Variants in CNMD observed in about 807,000 individuals in gnomAD.
CNMD encodes chondromodulin, also known as leukocyte cell-derived chemotaxin 1.
CNMD carries 30 observed loss-of-function variants against 37.5 expected under a neutral mutation model. The observed-to-expected ratio is 0.80, with a 90% CI of 0.60 to 1.09. The LOEUF (loss-of-function observed/expected upper bound fraction) is 1.09. CNMD is among the 50% of genes least tolerant of loss of function. The pLI is 0.00. For missense variants in CNMD, 398 were observed against 423.9 expected, an observed-to-expected ratio of 0.94 and a Z score of 0.54; for synonymous variants, 167 against 148.2, an observed-to-expected ratio of 1.13 and a Z score of -0.92.
intron 6 of CNMD, among the ~76,000 whole-genome samples, chr13:52,706,869 T>G (rs1328253580): frequency 6.6e-6 from 1 of 152,024 alleles, no homozygotes; most frequent in Non-Finnish European, 1.5e-5. Flanking sequence ...TTTGTACTGT[T>G]TTTAAAAAAT....
chr13:52,720,411 G>T (rs538877278), intron 4 of CNMD, among the ~76,000 whole-genome samples: 1 of 152,112 alleles, frequency 6.6e-6, no homozygotes, highest in Non-Finnish European at 1.5e-5. Context: ...AGGAGAAGAG[G>T]CGTTCTGGTT....
intron 5 of CNMD, 125 bp from the exon 6 acceptor site, chr13:52,708,827 T>A: frequency 1.4e-6 from 1 of 698,892 alleles, no homozygotes; most frequent in Non-Finnish European, 2.4e-6. Context: ...TGGCTTAAAA[T>A]TTTTGTACTG....
intron 6 of CNMD, among the ~76,000 whole-genome samples, chr13:52,705,806 A>G (rs1964164358): frequency 6.6e-6 from 1 of 152,038 alleles, no homozygotes; most frequent in African/African-American, 2.4e-5. Context: ...AGGCAAAGTC[A>G]TATCCTGCCT....
At chr13:52,706,094 A>C (rs1001520000) in intron 6 of CNMD, among the ~76,000 whole-genome samples, 13 of 152,256 alleles carry the variant, frequency 8.5e-5, no homozygotes, top group Non-Finnish European at 1.6e-4. Context: ...AATAGGCTAC[A>C]TAGAAAAACG....
chr13:52,729,474 T>C (rs1964627939), intron 3 of CNMD, among the ~76,000 whole-genome samples: 1 of 152,238 alleles, frequency 6.6e-6, no homozygotes, highest in Admixed American at 6.5e-5. Context: ...AAAACAGTAC[T>C]TTTCTTCACT....
intron 2 of CNMD, among the ~76,000 whole-genome samples, chr13:52,738,744 G>A (rs946940861): frequency 2.6e-5 from 4 of 152,152 alleles, no homozygotes; most frequent in South Asian, 4.1e-4. Context: ...CCACGGTCGC[G>A]CCACTGCTTA....
intron 3 of CNMD, among the ~76,000 whole-genome samples, chr13:52,726,499 C>G (rs1964576107): frequency 6.6e-6 from 1 of 150,940 alleles, no homozygotes; most frequent in Admixed American, 6.6e-5. Flanking sequence ...ACCACCGACG[C>G]TGTTTACAGC....
intron 3 of CNMD, among the ~76,000 whole-genome samples, chr13:52,732,017 T>C (rs905410359): frequency 1.3e-5 from 2 of 152,228 alleles, no homozygotes; most frequent in African/African-American, 4.8e-5. Context: ...ATTCTGAACA[T>C]AGTCCTTGTC....
At chr13:52,706,879 T>A (rs1382282951) in intron 6 of CNMD, among the ~76,000 whole-genome samples, 2 of 151,926 alleles carry the variant, frequency 1.3e-5, no homozygotes, top group Admixed American at 6.6e-5. Flanking sequence ...TTTTAAAAAA[T>A]TTCTGCATGT....
rs1964126597 is a variant in CNMD at position 52,703,723 on chromosome 13, A to G, written c.877T>C (p.Cys293Arg). The change falls in exon 7 of 7, where the codon TGC becomes CGC. Residue 293 changes from cysteine (C) to arginine (R), a missense_variant. Physicochemically the swap from Cys to Arg is radical, Grantham distance 180. Coordinates refer to ENST00000377962, the MANE Select transcript of CNMD (RefSeq NM_007015.3). ...CCCAGGGGTTCACAGATCTTCTGGCAGTGGGTGTAGCTCCGCCTACATTCT... is the reference window on the plus strand; with the variant it reads ...CCCAGGGGTTCACAGATCTTCTGGCGGTGGGTGTAGCTCCGCCTACATTCT... ...CIECRRSYTH[C>R]QKICEPLGGY... 3 of 1,614,050 alleles carry G rather than the reference A, an allele frequency of 1.9e-6. No homozygotes were observed. The highest frequency in any genetic ancestry group is 2.5e-6 in the Non-Finnish European group (3 of 1,180,008).
chr13:52,721,199 C>T (rs995642998), intron 4 of CNMD, among the ~76,000 whole-genome samples: 8 of 152,174 alleles, frequency 5.3e-5, no homozygotes, highest in Admixed American at 1.3e-4. Context: ...GTGCTGGCAG[C>T]GAGAATTTCA....
intron 5 of CNMD, among the ~76,000 whole-genome samples, chr13:52,712,147 C>T (rs9591460): frequency 0.027 from 4,066 of 151,458 alleles, 188 homozygotes; most frequent in African/African-American, 0.094. Context: ...GGCTCACCTG[C>T]CCTTCATTAC....
At chr13:52,729,404 T>C (rs1964627239) in intron 3 of CNMD, among the ~76,000 whole-genome samples, 1 of 152,356 alleles carries the variant, frequency 6.6e-6, no homozygotes, top group African/African-American at 2.4e-5. Flanking sequence ...AAAGTAATTT[T>C]TGGCATAGTC....
At chr13:52,735,194 C>T (rs1476916618) in intron 2 of CNMD, among the ~76,000 whole-genome samples, 1 of 152,118 alleles carries the variant, frequency 6.6e-6, no homozygotes, top group Non-Finnish European at 1.5e-5. Context: ...TTTGGGAAAC[C>T]TGTTTTCTTT....
rs1360731903 is a variant in CNMD, at chr13:52,739,723, G to A, written c.-22C>T. The A allele has an allele frequency of 2.5e-6, 4 of 1,609,714 alleles. No homozygotes were observed. The South Asian group carries it at 3.3e-5, about 13-fold the overall frequency. On this transcript the variant is annotated 5_prime_UTR_variant, in exon 1 of 7. Coordinates refer to ENST00000377962, the MANE Select transcript of CNMD (RefSeq NM_007015.3). The surrounding 1 kb of genome is among the most constrained non-coding windows in gnomAD (Gnocchi z 5.4). ...TCATGTTTGCGGCGGGAGGAGTGAG[G>A]CACTTGGAGACTCCCTGGGCACCCT...
chr13:52,729,467 A>G (rs915973134), intron 3 of CNMD, among the ~76,000 whole-genome samples: 2 of 152,220 alleles, frequency 1.3e-5, no homozygotes, highest in African/African-American at 2.4e-5. Flanking sequence ...TGGAGAGAAA[A>G]CAGTACTTTT....
At chr13:52,704,639 T>C (rs1235861329) in intron 6 of CNMD, among the ~76,000 whole-genome samples, 1 of 152,228 alleles carries the variant, frequency 6.6e-6, no homozygotes, top group Non-Finnish European at 1.5e-5. Context: ...GGTATTGAAG[T>C]GCATTCCCAA....
At chr13:52,705,878 G>A (rs2038826) in intron 6 of CNMD, among the ~76,000 whole-genome samples, 53,744 of 151,878 alleles carry the variant, frequency 0.35, 10,347 homozygotes, top group Admixed American at 0.46. Context: ...AGCTCTCTAG[G>A]GAATAAACAG....
intron 3 of CNMD, among the ~76,000 whole-genome samples, chr13:52,724,473 C>A (rs1964539949): frequency 6.6e-6 from 1 of 150,506 alleles, no homozygotes. Context: ...CGCCTGTAGT[C>A]CCAGCTACTT....
Sources: allele counts gnomAD v4.1 joint callset (sites outside exome capture counted in the v4.1 genomes callset), GRCh38; gene constraint gnomAD v4.1.1; non-coding constraint Gnocchi (gnomAD v3.1); transcripts MANE v1.5; gene names NCBI Gene and HGNC (gene_info 2026-07-23, HGNC 2026-07-21).